The following BST1 variants were observed in gnomAD, a reference collection of about 807,000 sequenced individuals.
BST1 encodes the protein bone marrow stromal cell antigen 1.
A neutral mutation model predicts 40.6 loss-of-function variants in BST1; 49 were observed. The observed-to-expected ratio is 1.21, with a 90% CI of 0.96 to 1.53. BST1 has a LOEUF of 1.53. Ranked by LOEUF, BST1 falls within the 40% of genes most tolerant of loss-of-function variation. BST1 has a pLI of 0.00. For synonymous variants in BST1, 157 were observed against 159.3 expected (o/e 0.99, Z 0.11); for missense variants, 423 against 395.9 (o/e 1.07, Z -0.58).
intron 1 of BST1, among the ~76,000 whole-genome samples, chr4:15,704,481 G>C (rs1296106709): frequency 6.7e-6 from 1 of 149,642 alleles, no homozygotes; most frequent in Non-Finnish European, 1.5e-5. Context: ...CTAGAGGTGA[G>C]GGGTGTGTGT....
the BST1 span, among the ~76,000 whole-genome samples, chr4:15,757,025 C>A: frequency 2.6e-5 from 4 of 151,526 alleles, no homozygotes; most frequent in African/African-American, 9.8e-5. Flanking sequence ...ATTAGTAAAA[C>A]CATCTGTATC....
At chr4:15,724,826 G>A (rs1424628168) in intron 8 of BST1, among the ~76,000 whole-genome samples, 2 of 152,034 alleles carry the variant, frequency 1.3e-5, no homozygotes, top group African/African-American at 4.8e-5. Flanking sequence ...ATGGTTCATG[G>A]CTATCAAGAA....
chr4:15,718,700 C>T (rs966507687), intron 6 of BST1, among the ~76,000 whole-genome samples: 3 of 152,152 alleles, frequency 2.0e-5, no homozygotes, highest in East Asian at 1.9e-4. Context: ...GCTTCAGGCC[C>T]GGTGCTGGGG....
At chr4:15,750,162 T>G in the BST1 span, among the ~76,000 whole-genome samples, 2 of 152,090 alleles carry the variant, frequency 1.3e-5, no homozygotes, top group East Asian at 3.9e-4. Context: ...GTGGCTGGGA[T>G]TACAGGTGCC....
At chr4:15,733,831 A>G (rs1721471560), downstream of BST1, among the ~76,000 whole-genome samples, 1 of 152,220 alleles carries the variant, frequency 6.6e-6, no homozygotes, top group African/African-American at 2.4e-5. Context: ...ACTGGGGATC[A>G]CAATTCAATA....
chr4:15,703,283 T>C lies in BST1; in HGVS notation c.139T>C (p.Phe47Leu). The change falls in exon 1 of 9, where the codon TTC (phenylalanine) becomes CTC (leucine). Residue 47 changes from phenylalanine (F) to leucine (L), a missense_variant. Phe to Leu is a conservative substitution (Grantham distance 22, BLOSUM62 0). Coordinates refer to ENST00000265016, the MANE Select transcript of BST1 (RefSeq NM_004334.3). ...EGTSAHLRDI[F>L]LGRCAEYRAL... ...CACCAGCGCACACTTGCGGGACATC[T>C]TCCTGGGCCGCTGCGCCGAGTACCG... 6.5e-7 allele frequency: 1 copy of C among 1,535,012 alleles called. No individual in the cohort carries two copies. The highest frequency in any genetic ancestry group is 8.7e-7 in the Non-Finnish European group (1 of 1,146,266).
At chr4:15,755,703 G>C in the BST1 span, among the ~76,000 whole-genome samples, 1 of 152,168 alleles carries the variant, frequency 6.6e-6, no homozygotes, top group African/African-American at 2.4e-5. Flanking sequence ...AATGTAGAGT[G>C]GTGGTTACCA....
At chr4:15,755,585 T>C in the BST1 span, among the ~76,000 whole-genome samples, 179 of 152,364 alleles carry the variant, frequency 1.2e-3, no homozygotes, top group African/African-American at 4.0e-3. Flanking sequence ...GTATTCATTC[T>C]TCACTGGATC....
the BST1 span, among the ~76,000 whole-genome samples, chr4:15,758,381 G>A: frequency 1.3e-5 from 2 of 152,134 alleles, no homozygotes; most frequent in South Asian, 2.1e-4. Context: ...TCACTTAAAC[G>A]TGAGAACATG....
At chr4:15,758,307 C>G in the BST1 span, among the ~76,000 whole-genome samples, 1 of 152,096 alleles carries the variant, frequency 6.6e-6, no homozygotes, top group East Asian at 1.9e-4. Context: ...GCCCTGTCTC[C>G]TCTAGTAGTC....
At chr4:15,707,855 C>CTCTATATATATATA (rs544633858) in intron 3 of BST1, among the ~76,000 whole-genome samples, 1 of 128,630 alleles carries the variant, frequency 7.8e-6, no homozygotes, top group African/African-American at 2.9e-5. Context: ...CTCTCTCTCT[C>CTCTATATATATATA]TATATATATA....
chr4:15,733,154 T>C (rs1226618118), downstream of BST1, among the ~76,000 whole-genome samples: 2 of 152,220 alleles, frequency 1.3e-5, no homozygotes, highest in Non-Finnish European at 2.9e-5. Flanking sequence ...TATTCCCTTA[T>C]TTGGTCCCAC....
the BST1 span, among the ~76,000 whole-genome samples, chr4:15,766,900 A>G: frequency 3.3e-5 from 5 of 151,618 alleles, no homozygotes; most frequent in Non-Finnish European, 7.4e-5. Context: ...AAAGGGGAGA[A>G]CAATCCCTGG....
At position 15,724,726 on chromosome 4, in the gene BST1, A is replaced by G. The variant is rs1018528764; in HGVS notation, c.851+1792A>G. ...AATAAGAGAGAGAGAGAGAGAGAGAAAGAGAGCACATGCACTGGTGAGCTG... is the reference window on the plus strand; with the variant it reads ...AATAAGAGAGAGAGAGAGAGAGAGAGAGAGAGCACATGCACTGGTGAGCTG... On this transcript the variant is annotated intron_variant, in intron 8 of 8. Transcript: ENST00000265016. Among the ~76,000 whole-genome samples the G allele has an allele frequency of 8.7e-5, 13 of 149,038 alleles. No individual in the cohort carries two copies. In the South Asian group the frequency reaches 1.1e-3, roughly 12 times the overall value.
chr4:15,706,742 C>T (rs925560488), intron 2 of BST1, among the ~76,000 whole-genome samples: 2 of 152,174 alleles, frequency 1.3e-5, no homozygotes, highest in Non-Finnish European at 2.9e-5. Flanking sequence ...CCTTGCTGCC[C>T]TCCTGTCACT....
At chr4:15,722,722 C>T (rs756244693) in intron 7 of BST1, among the ~76,000 whole-genome samples, 153 bp from the exon 8 acceptor site, 17 of 151,816 alleles carry the variant, frequency 1.1e-4, no homozygotes, top group East Asian at 1.9e-4. Context: ...TGTAAGCCAC[C>T]GTGCTGGGCC....
intron 3 of BST1, among the ~76,000 whole-genome samples, chr4:15,711,178 G>T (rs1225435566): frequency 6.6e-6 from 1 of 152,086 alleles, no homozygotes; most frequent in Admixed American, 6.5e-5. Flanking sequence ...TTTTTGCTAG[G>T]AATATGAGGT....
chr4:15,761,145 A>G, the BST1 span, among the ~76,000 whole-genome samples: 5 of 151,918 alleles, frequency 3.3e-5, no homozygotes, highest in Non-Finnish European at 7.4e-5. Context: ...CCCGGGTTCA[A>G]GTGATTCTTG....
the BST1 span, among the ~76,000 whole-genome samples, chr4:15,773,226 G>A: frequency 3.9e-5 from 6 of 152,238 alleles, no homozygotes; most frequent in Non-Finnish European, 5.9e-5. Flanking sequence ...TCGTTCATGT[G>A]GATATGTGGA....
Sources: gnomAD v4.1 joint callset for allele counts (sites outside exome capture counted in the v4.1 genomes callset) on GRCh38, gnomAD v4.1.1 for gene constraint, MANE v1.5 for transcripts, NCBI Gene and HGNC (gene_info 2026-07-23, HGNC 2026-07-21) for gene names.